Variants in UBA6 observed in about 807,000 individuals in gnomAD.
The protein encoded by UBA6 is ubiquitin-like modifier-activating enzyme 6.
UBA6 carries 87 observed loss-of-function variants against 148.3 expected under a neutral mutation model. That is an observed-to-expected ratio of 0.59 (90% CI 0.49 to 0.70). UBA6 has a LOEUF of 0.70. UBA6 is among the 30% of genes least tolerant of loss of function. The pLI, the probability that UBA6 is intolerant of heterozygous loss-of-function variation, is 0.00. For missense variants in UBA6, 1,186 were observed against 1,241.2 expected (o/e 0.96, Z 0.67); for synonymous variants, 376 against 401.0 (o/e 0.94, Z 0.75).
chr4:67,667,783 T>C (rs911247233), intron 9 of UBA6, among the ~76,000 whole-genome samples: 1 of 152,338 alleles, frequency 6.6e-6, no homozygotes, highest in East Asian at 1.9e-4. Flanking sequence ...TTTTTAAGAA[T>C]GTCTACTTTC....
chr4:67,690,180 T>G (rs2109957584), intron 2 of UBA6, among the ~76,000 whole-genome samples: 1 of 152,188 alleles, frequency 6.6e-6, no homozygotes, highest in Middle Eastern at 3.4e-3. Flanking sequence ...AAAAGTAGTC[T>G]AGTATGGCCA....
chr4:67,659,217 T>C (rs1325712395), intron 13 of UBA6, among the ~76,000 whole-genome samples: 1 of 152,196 alleles, frequency 6.6e-6, no homozygotes, highest in Non-Finnish European at 1.5e-5. Context: ...TTTCTTTGTG[T>C]AATTATAGAA....
In UBA6 at chr4:67,637,908, A is replaced by T. The variant is rs371129614; in HGVS notation, c.1736+1035T>A. On this transcript the variant is annotated intron_variant, in intron 19 of 32. Coordinates refer to ENST00000322244, the MANE Select transcript of UBA6 (RefSeq NM_018227.6). ...TCCTATGACCCTGCCAAATCCCCCT[A>T]TGCGAGAAACACCCAAGAATGATCA... Among the ~76,000 whole-genome samples, 20 of 150,862 alleles carry T rather than the reference A, an allele frequency of 1.3e-4. 1 individual carries two copies. In the South Asian group the frequency reaches 4.0e-3, roughly 30 times the overall value.
Position 67,673,685 on chromosome 4 carries a change from T to C in UBA6, c.546+12A>G, listed in dbSNP as rs62303093. ...TGGTTAACTACATGTCATTACTAAA[T>C]GATACAATTACCTTAATTGGAGGGC... On this transcript the variant is annotated intron_variant, in intron 7 of 32. Coordinates refer to ENST00000322244, the MANE Select transcript of UBA6 (RefSeq NM_018227.6). The C allele has an allele frequency of 0.057, 90,902 of 1,588,710 alleles. 3,006 individuals carry two copies. The highest frequency in any genetic ancestry group is 0.066 in the Middle Eastern group (397 of 5,988).
intron 6 of UBA6, among the ~76,000 whole-genome samples, chr4:67,676,842 C>T (rs1730292418): frequency 6.6e-6 from 1 of 151,434 alleles, no homozygotes; most frequent in African/African-American, 2.4e-5. Flanking sequence ...AAGTTATCTA[C>T]TCCAGAACAG....
At chr4:67,676,143 C>G (rs1174746753) in intron 6 of UBA6, among the ~76,000 whole-genome samples, 1 of 151,630 alleles carries the variant, frequency 6.6e-6, no homozygotes, top group African/African-American at 2.4e-5. Context: ...CCTGCCTCAG[C>G]CTCCCGAGTA....
intron 25 of UBA6, among the ~76,000 whole-genome samples, 197 bp downstream of exon 25, chr4:67,631,511 G>T (rs1728996426): frequency 1.3e-5 from 2 of 152,134 alleles, no homozygotes; most frequent in African/African-American, 4.8e-5. Flanking sequence ...CCATGTAAAT[G>T]AATGGATTCA....
chr4:67,664,798 AAAT>A (rs1006739752), intron 10 of UBA6, among the ~76,000 whole-genome samples: 11 of 152,170 alleles, frequency 7.2e-5, no homozygotes, highest in African/African-American at 2.4e-4. Context: ...TTAGAAAATT[AAAT>A]AATAATAAAG....
intron 2 of UBA6, among the ~76,000 whole-genome samples, chr4:67,691,223 A>C (rs1730686614): frequency 6.6e-6 from 1 of 152,200 alleles, no homozygotes; most frequent in African/African-American, 2.4e-5. Context: ...ATCTATGTAC[A>C]TATTAGTCTA....
chr4:67,624,638 C>T (rs1453591673), intron 29 of UBA6, among the ~76,000 whole-genome samples: 1 of 151,750 alleles, frequency 6.6e-6, no homozygotes, highest in Non-Finnish European at 1.5e-5. Flanking sequence ...TAACTAGGGC[C>T]GCACTTAAAG....
At chr4:67,682,338 G>GTTTA (rs1730463645) in intron 2 of UBA6, 125 bp from the exon 3 acceptor site, 1 of 667,324 alleles carries the variant, frequency 1.5e-6, no homozygotes, top group African/African-American at 1.8e-5. Flanking sequence ...TGAATGATTT[G>GTTTA]CACAGTGTTT....
At chr4:67,686,103 C>T (rs1038147755) in intron 2 of UBA6, among the ~76,000 whole-genome samples, 8 of 152,182 alleles carry the variant, frequency 5.3e-5, no homozygotes, top group African/African-American at 1.9e-4. Context: ...ACTAAGTGAC[C>T]ATATAGCAGT....
At chr4:67,672,659 T>A (rs1416327583) in intron 7 of UBA6, among the ~76,000 whole-genome samples, 5 of 152,198 alleles carry the variant, frequency 3.3e-5, no homozygotes, top group Non-Finnish European at 7.3e-5. Context: ...TACTATCCTC[T>A]CCTCTTTACC....
intron 14 of UBA6, 74 bp downstream of exon 14, chr4:67,648,994 T>A (rs922856164): frequency 4.7e-6 from 7 of 1,482,114 alleles, no homozygotes; most frequent in Middle Eastern, 1.9e-4. Flanking sequence ...TCTAATATAT[T>A]AATACTACAT....
intron 7 of UBA6, 44 bp from the exon 8 acceptor site, chr4:67,670,636 A>G: frequency 6.8e-7 from 1 of 1,460,026 alleles, no homozygotes; most frequent in South Asian, 1.2e-5. Flanking sequence ...TATATAAAGA[A>G]AAAAACACTC....
chr4:67,691,796 TA>T (rs35909302), intron 2 of UBA6, among the ~76,000 whole-genome samples: 3,497 of 140,436 alleles, frequency 0.025, 75 homozygotes, highest in East Asian at 0.11. Flanking sequence ...AGGACCATTG[TA>T]AAAAAAAAAA....
In UBA6 at chr4:67,657,862, A is replaced by T. The variant is rs569076861; in HGVS notation, c.1104+4327T>A. Among the ~76,000 whole-genome samples the T allele has an allele frequency of 1.0e-3, 152 of 151,842 alleles. 1 individual carries two copies. Among genetic ancestry groups the T allele is most frequent in the African/African-American group, 3.5e-3 (147 of 41,490 alleles). Reference sequence around the variant, plus strand: ...AAAAAAAGAAAACAAAAAACAAACAACCCCATCAAAAAGTGGGCAAAGGAT... The same window carrying T: ...AAAAAAAGAAAACAAAAAACAAACATCCCCATCAAAAAGTGGGCAAAGGAT... On this transcript the variant is annotated intron_variant, in intron 13 of 32. Coordinates refer to ENST00000322244, the MANE Select transcript of UBA6 (RefSeq NM_018227.6).
At chr4:67,631,348 A>G (rs892122181) in intron 25 of UBA6, among the ~76,000 whole-genome samples, 1 of 152,254 alleles carries the variant, frequency 6.6e-6, no homozygotes, top group Admixed American at 6.5e-5. Flanking sequence ...GTTATTCAGT[A>G]GTAATTATTT....
At chr4:67,690,770 T>TAAAAC (rs141552662) in intron 2 of UBA6, among the ~76,000 whole-genome samples, 20,724 of 151,676 alleles carry the variant, frequency 0.14, 1,481 homozygotes, top group South Asian at 0.21. Flanking sequence ...ATGACCATTA[T>TAAAAC]AAAACAAAAC....
Sources: allele counts gnomAD v4.1 joint callset (sites outside exome capture counted in the v4.1 genomes callset), GRCh38; gene constraint gnomAD v4.1.1; transcripts MANE v1.5; gene names NCBI Gene and HGNC (gene_info 2026-07-23, HGNC 2026-07-21).